Variants in CACNB2 observed in about 807,000 individuals in gnomAD.
CACNB2 encodes voltage-dependent L-type calcium channel subunit beta-2.
In CACNB2, 42 loss-of-function variants were observed where a neutral mutation model predicts 73.3. That is an observed-to-expected ratio of 0.57 (90% CI 0.45 to 0.74). The LOEUF (loss-of-function observed/expected upper bound fraction) is 0.74, where lower values mean the gene tolerates loss of function less well. Ranked by LOEUF, CACNB2 falls within the 30% of genes least tolerant of loss-of-function variation. The pLI is 0.00. For missense variants in CACNB2, 940 were observed against 853.0 expected (o/e 1.10, Z -1.27); for synonymous variants, 348 against 310.3 (o/e 1.12, Z -1.28).
chr10:18,538,251 G>T lies in CACNB2; in HGVS notation c.1374G>T (p.Glu458Asp). The T allele has an allele frequency of 6.2e-7, 1 of 1,614,098 alleles. No homozygotes were observed. The highest frequency in any genetic ancestry group is 8.5e-7 in the Non-Finnish European group (1 of 1,180,016). ...GTGAGCACCTTGCCGACTATCTGGA[G>T]GCCTACTGGAAGGCCACCCATCCTC... Reference protein sequence around the residue: ...DACEHLADYLEAYWKATHPPS... With the variant: ...DACEHLADYLDAYWKATHPPS... Residue 458 changes from glutamate (E) to aspartate (D), a missense_variant, in exon 13 of 14, where the codon GAG becomes GAT. By Grantham distance (45) the Glu-to-Asp change is conservative (BLOSUM62 2). Coordinates refer to ENST00000324631, the MANE Select transcript of CACNB2 (RefSeq NM_201596.3).
chr10:18,470,800 T>C (rs563994463), intron 3 of CACNB2, among the ~76,000 whole-genome samples: 1 of 151,230 alleles, frequency 6.6e-6, no homozygotes, highest in Non-Finnish European at 1.5e-5. Context: ...GTGTGGATGG[T>C]GGTGGTGTCA....
At chr10:18,152,615 C>T (rs2031657796) in intron 2 of CACNB2, among the ~76,000 whole-genome samples, 1 of 143,750 alleles carries the variant, frequency 7.0e-6, no homozygotes, top group South Asian at 2.3e-4. Flanking sequence ...CCATTTCAAG[C>T]TATTTATTCT....
intron 5 of CACNB2, among the ~76,000 whole-genome samples, chr10:18,501,443 C>T (rs913055048): frequency 6.6e-6 from 1 of 152,172 alleles, no homozygotes; most frequent in South Asian, 2.1e-4. Context: ...TAAAGAGAAG[C>T]GAAGTATGAA....
rs2133350672 is a variant in CACNB2 at position 18,541,647 on chromosome 10, G to C, written c.*1923G>C. ...AGGCTGAGGAGGGTGGATCACCTGA[G>C]GTCAGGAGTTCAAGACCAGCCTGGC... On this transcript the variant is annotated 3_prime_UTR_variant, in exon 14 of 14. Coordinates refer to ENST00000324631, the MANE Select transcript of CACNB2 (RefSeq NM_201596.3). 1 of 152,282 alleles carries C rather than the reference G, an allele frequency of 6.6e-6. No individual in the cohort carries two copies. Among genetic ancestry groups the C allele is most frequent in the African/African-American group, 2.4e-5 (1 of 41,548 alleles). The allele number at this position is 152,282 out of a possible 1,614,324, so 9.4% of individuals were successfully genotyped here. A position where few individuals can be genotyped will look rare whatever the true frequency, so the allele number is the denominator to read the frequency against.
chr10:18,532,759 C>G (rs1489003750), intron 10 of CACNB2, among the ~76,000 whole-genome samples: 1 of 150,962 alleles, frequency 6.6e-6, no homozygotes, highest in Non-Finnish European at 1.5e-5. Flanking sequence ...TTGTACTACT[C>G]AAACCTTTAA....
intron 2 of CACNB2, among the ~76,000 whole-genome samples, chr10:18,209,704 A>G (rs1244242205): frequency 6.6e-6 from 1 of 152,168 alleles, no homozygotes; most frequent in Non-Finnish European, 1.5e-5. Context: ...TAGTGCCGAC[A>G]AATTTGCTTT....
chr10:18,325,708 T>TTCCTTCCTTCCG (rs2040564569), intron 2 of CACNB2, among the ~76,000 whole-genome samples: 1 of 123,822 alleles, frequency 8.1e-6, no homozygotes, highest in African/African-American at 3.0e-5. Context: ...CCTTCCTTCC[T>TTCCTTCCTTCCG]TCCTTCCTTC....
chr10:18,341,728 G>T (rs529246083), intron 2 of CACNB2, among the ~76,000 whole-genome samples: 4 of 152,138 alleles, frequency 2.6e-5, no homozygotes, highest in African/African-American at 7.2e-5. Context: ...ATTATTTTAA[G>T]TACTTCTTTT....
intron 8 of CACNB2, 60 bp from the exon 9 acceptor site, chr10:18,518,850 T>G: frequency 6.9e-7 from 1 of 1,448,034 alleles, no homozygotes. Context: ...GTAAAATTGT[T>G]TTATCATCGT....
chr10:18,489,956 C>A (rs1159214875), intron 3 of CACNB2, among the ~76,000 whole-genome samples: 1 of 152,130 alleles, frequency 6.6e-6, no homozygotes, highest in Non-Finnish European at 1.5e-5. Flanking sequence ...TGGCTCACTG[C>A]ACCCTTGACC....
chr10:18,465,596 C>G (rs79707112), intron 3 of CACNB2, among the ~76,000 whole-genome samples: 2,453 of 152,192 alleles, frequency 0.016, 58 homozygotes, highest in African/African-American at 0.056. Flanking sequence ...TACTTCCTCC[C>G]AGGATGCATG....
chr10:18,500,207 C>T (rs576628220), intron 4 of CACNB2, among the ~76,000 whole-genome samples: 7 of 152,228 alleles, frequency 4.6e-5, no homozygotes, highest in South Asian at 4.1e-4. Context: ...TCTTCTTCGA[C>T]GTGTTCAAGG....
chr10:18,479,959 C>G (rs898418500), intron 3 of CACNB2, among the ~76,000 whole-genome samples: 2 of 152,158 alleles, frequency 1.3e-5, no homozygotes, highest in African/African-American at 4.8e-5. Flanking sequence ...AAAATGTTAT[C>G]TCCCAGGTTG....
At chr10:18,515,402 T>A (rs912608083) in intron 7 of CACNB2, among the ~76,000 whole-genome samples, 4 of 152,260 alleles carry the variant, frequency 2.6e-5, no homozygotes, top group African/African-American at 9.6e-5. Flanking sequence ...TGTCGCCAAG[T>A]CTGGCAAAAC....
At chr10:18,427,462 A>G (rs1005443562) in intron 3 of CACNB2, among the ~76,000 whole-genome samples, 2 of 151,970 alleles carry the variant, frequency 1.3e-5, no homozygotes, top group African/African-American at 4.8e-5. Context: ...CCTTTCCTCA[A>G]GCGATTTGAC....
intron 2 of CACNB2, among the ~76,000 whole-genome samples, chr10:18,354,909 C>G (rs184864810): frequency 3.3e-3 from 466 of 141,296 alleles, no homozygotes; most frequent in Non-Finnish European, 4.7e-3. Flanking sequence ...TCCAAAAATC[C>G]GAAATCCAAA....
In CACNB2 at chr10:18,527,697, G is replaced by GGTAA. The variant is rs1564656500; in HGVS notation, c.1054+3_1054+6dup. 1 of 1,596,568 alleles carries GGTAA rather than the reference G, an allele frequency of 6.3e-7. No individual in the cohort carries two copies. Among genetic ancestry groups the GGTAA allele is most frequent in the South Asian group, 1.1e-5 (1 of 90,756 alleles). On this transcript the variant is annotated frameshift_variant and splice_region_variant. Coordinates refer to ENST00000324631, the MANE Select transcript of CACNB2 (RefSeq NM_201596.3). LOFTEE classifies it high-confidence loss of function. The stretch of plus-strand genomic sequence containing the variant: ...AAGATCCAACACAAGGTCAAGCTTA[G>GGTAA]GTAAGTCTGTGCAATGAGCTTAAGC...
chr10:18,166,883 T>A (rs2032895538), intron 2 of CACNB2, among the ~76,000 whole-genome samples: 1 of 152,074 alleles, frequency 6.6e-6, no homozygotes, highest in Non-Finnish European at 1.5e-5. Context: ...ACCCTAAAAC[T>A]TAAAGTATAA....
intron 2 of CACNB2, among the ~76,000 whole-genome samples, chr10:18,220,230 TATAGAGAGAG>T (rs1161048811): frequency 6.4e-4 from 22 of 34,450 alleles, no homozygotes; most frequent in African/African-American, 2.7e-3. Flanking sequence ...TATATATATA[TATAGAGAGAG>T]AGAGAGAGAG....
Sources: allele counts gnomAD v4.1 joint callset (sites outside exome capture counted in the v4.1 genomes callset), GRCh38; gene constraint gnomAD v4.1.1; transcripts MANE v1.5; gene names NCBI Gene and HGNC (gene_info 2026-07-23, HGNC 2026-07-21).